PTPRG: variants seen among roughly 807,000 people sequenced by gnomAD.
The protein encoded by PTPRG is protein tyrosine phosphatase receptor type G.
Under a neutral mutation model 165.3 loss-of-function variants are expected in PTPRG, and 102 were observed. The observed-to-expected ratio is 0.62, with a 90% CI of 0.53 to 0.73. PTPRG has a LOEUF of 0.73. PTPRG is among the 30% of genes least tolerant of loss of function. The pLI, the probability that PTPRG is intolerant of heterozygous loss-of-function variation, is 0.00. For missense variants in PTPRG, 1,866 were observed against 1,861.4 expected (o/e 1.00, Z -0.05); for synonymous variants, 675 against 669.5 (o/e 1.01, Z -0.13).
intron 5 of PTPRG, among the ~76,000 whole-genome samples, chr3:62,091,689 A>G (rs1701936101): frequency 6.6e-6 from 1 of 152,158 alleles, no homozygotes; most frequent in Non-Finnish European, 1.5e-5. Context: ...GTTAGAGACA[A>G]TGCCAGCAGT....
intron 2 of PTPRG, among the ~76,000 whole-genome samples, chr3:61,962,265 G>T (rs996495077): frequency 6.6e-6 from 1 of 152,158 alleles, no homozygotes; most frequent in African/African-American, 2.4e-5. Context: ...TGTCTAAAAG[G>T]AATGTGTTAA....
chr3:61,661,062 C>A (rs1419936777), intron 1 of PTPRG, among the ~76,000 whole-genome samples: 3 of 151,864 alleles, frequency 2.0e-5, no homozygotes, highest in African/African-American at 7.3e-5. Flanking sequence ...TTTTCCCCCC[C>A]TAATTAAAAA....
At chr3:61,937,917 A>C (rs1375346938) in intron 2 of PTPRG, among the ~76,000 whole-genome samples, 1 of 149,756 alleles carries the variant, frequency 6.7e-6, no homozygotes, top group East Asian at 2.0e-4. Flanking sequence ...AAGGAAAAAC[A>C]ATCCTGCATT....
At chr3:62,021,828 A>AT (rs2041698172) in intron 4 of PTPRG, among the ~76,000 whole-genome samples, 1 of 129,146 alleles carries the variant, frequency 7.7e-6, no homozygotes, top group Admixed American at 7.6e-5. Flanking sequence ...TATATGTAAA[A>AT]TTTTGGCCAT....
rs1056983047 is a variant in PTPRG, at chr3:61,881,352, TAGAG to T, written c.191-108269_191-108266del. On this transcript the variant is annotated intron_variant, in intron 2 of 29. Coordinates refer to ENST00000474889, the MANE Select transcript of PTPRG (RefSeq NM_002841.4). ...AGACAAAATAAAATGGTTTTAATCT[TAGAG>T]AGAACAATGGTGGTGGTAACATCTG... is the stretch of plus-strand genomic sequence containing the variant. Among the ~76,000 whole-genome samples the T allele has an allele frequency of 6.6e-5, 10 of 152,284 alleles. No homozygotes were observed. In the East Asian group the frequency reaches 1.5e-3, roughly 24 times the overall value.
intron 4 of PTPRG, among the ~76,000 whole-genome samples, chr3:62,009,203 T>C (rs1001541658): frequency 1.3e-5 from 2 of 152,184 alleles, no homozygotes; most frequent in African/African-American, 2.4e-5. Context: ...GTGACTTCAA[T>C]GTCTTATGTC....
intron 20 of PTPRG, among the ~76,000 whole-genome samples, chr3:62,270,703 G>C (rs534682758): frequency 1.1e-4 from 16 of 152,110 alleles, no homozygotes; most frequent in Non-Finnish European, 1.9e-4. Context: ...TAATGACCCT[G>C]AGTCATCCAA....
intron 1 of PTPRG, among the ~76,000 whole-genome samples, chr3:61,696,470 C>A (rs564215933): frequency 4.7e-4 from 71 of 152,298 alleles, no homozygotes; most frequent in African/African-American, 1.6e-3. Flanking sequence ...CCATTGCACT[C>A]CATCCTGGGC....
chr3:61,942,021 G>T (rs149270449), intron 2 of PTPRG, among the ~76,000 whole-genome samples: 1 of 151,872 alleles, frequency 6.6e-6, no homozygotes, highest in East Asian at 1.9e-4. Flanking sequence ...TTAGCCAGGC[G>T]CGGTGGCAGG....
chr3:62,063,637 A>G (rs1700897972), intron 4 of PTPRG, among the ~76,000 whole-genome samples: 1 of 152,172 alleles, frequency 6.6e-6, no homozygotes, highest in African/African-American at 2.4e-5. Flanking sequence ...TTCTGCATAA[A>G]TCTGAAACAG....
In PTPRG at chr3:61,922,639, G is replaced by C. The variant is rs561920392; in HGVS notation, c.191-66986G>C. 1.1e-4 allele frequency among the ~76,000 whole-genome samples: 17 copies of C among 152,314 alleles called. No individual in the cohort carries two copies. In the East Asian group the frequency reaches 3.3e-3, roughly 29 times the overall value. On this transcript the variant is annotated intron_variant, in intron 2 of 29. Coordinates refer to ENST00000474889, the MANE Select transcript of PTPRG (RefSeq NM_002841.4). Reference sequence around the variant, plus strand: ...GTCATATAACTTGCTCCTTAGCTCAGTTCAGGTCTTTTATCTTTTGAGGCA... The same window carrying C: ...GTCATATAACTTGCTCCTTAGCTCACTTCAGGTCTTTTATCTTTTGAGGCA...
rs889555209 is a variant in PTPRG, at chr3:62,190,173, C to T, written c.1034-1296C>T. Among the ~76,000 whole-genome samples, 2 of 152,164 alleles carry T rather than the reference C, an allele frequency of 1.3e-5. No individual in the cohort carries two copies. Among genetic ancestry groups the T allele is most frequent in the African/African-American group, 2.4e-5 (1 of 41,442 alleles). Reference sequence around the variant, plus strand: ...AAGGTGATTGGCCCCTGCAAGCAACCTTTGGCAACACCTGGAGACATTTTT... The same window carrying T: ...AAGGTGATTGGCCCCTGCAAGCAACTTTTGGCAACACCTGGAGACATTTTT... On this transcript the variant is annotated intron_variant, in intron 8 of 29. Transcript: ENST00000474889. This position sits in a 1 kb window ranked among gnomAD's most constrained non-coding sequence, Gnocchi z 5.2.
chr3:62,144,022 C>A (rs1704026531), intron 6 of PTPRG, among the ~76,000 whole-genome samples: 1 of 152,216 alleles, frequency 6.6e-6, no homozygotes, highest in Admixed American at 6.5e-5. Flanking sequence ...CAGACCAAAT[C>A]CAGCCCACTG....
chr3:61,689,392 T>C (rs1264946735), intron 1 of PTPRG, among the ~76,000 whole-genome samples: 1 of 152,224 alleles, frequency 6.6e-6, no homozygotes, highest in Non-Finnish European at 1.5e-5. Flanking sequence ...TGGATGCATA[T>C]TTATGATTGT....
chr3:61,747,246 C>G (rs749351157), intron 1 of PTPRG, among the ~76,000 whole-genome samples: 12 of 152,130 alleles, frequency 7.9e-5, no homozygotes, highest in Admixed American at 2.6e-4. Context: ...ATTTTACAGT[C>G]AAGGAAATTG....
intron 2 of PTPRG, among the ~76,000 whole-genome samples, chr3:61,944,685 G>GA (rs1027840010): frequency 1.3e-5 from 2 of 151,370 alleles, no homozygotes; most frequent in Admixed American, 1.3e-4. Flanking sequence ...GTATAATCTT[G>GA]AAAAAAAAAT....
chr3:61,871,654 T>TGATGTGAA (rs2037588067), intron 2 of PTPRG, among the ~76,000 whole-genome samples: 1 of 152,194 alleles, frequency 6.6e-6, no homozygotes, highest in Non-Finnish European at 1.5e-5. Context: ...AAAGTTTTGT[T>TGATGTGAA]GATGTGAAGA....
At chr3:62,207,422 G>A (rs767719265) in intron 12 of PTPRG, among the ~76,000 whole-genome samples, 1 of 152,186 alleles carries the variant, frequency 6.6e-6, no homozygotes, top group Non-Finnish European at 1.5e-5. Context: ...TTCAGGTCTT[G>A]CTTCACTTCC....
In PTPRG at chr3:62,191,686, G is replaced by A. The variant is rs144010771; in HGVS notation, c.1218+33G>A. 3,681 of 1,596,034 alleles carry A rather than the reference G, an allele frequency of 2.3e-3. 71 individuals carry two copies. The African/African-American group carries it at 0.039, about 17-fold the overall frequency. On this transcript the variant is annotated intron_variant, in intron 9 of 29. Transcript: ENST00000474889. ...GCCCCTCCTCTGATTCAGGGTACATGCTGCAGAGAGGGACTCCTGCTGCAG... is the reference window on the plus strand; with the variant it reads ...GCCCCTCCTCTGATTCAGGGTACATACTGCAGAGAGGGACTCCTGCTGCAG...
Sources: gnomAD v4.1 joint callset for allele counts (sites outside exome capture counted in the v4.1 genomes callset) on GRCh38, gnomAD v4.1.1 for gene constraint, Gnocchi (gnomAD v3.1) non-coding constraint, MANE v1.5 for transcripts, NCBI Gene and HGNC (gene_info 2026-07-23, HGNC 2026-07-21) for gene names.